WAC: variants seen among roughly 807,000 people sequenced by gnomAD.
WAC encodes the protein WW domain-containing adapter protein with coiled-coil.
A neutral mutation model predicts 79.6 loss-of-function variants in WAC; 11 were observed. The ratio of observed to expected loss-of-function variants is 0.14; its 90% confidence interval spans 0.09 to 0.23. WAC has a LOEUF of 0.23. Among genes scored for constraint, WAC ranks in the 10% least tolerant of loss-of-function variants. The pLI, the probability that WAC is intolerant of heterozygous loss-of-function variation, is 1.00. For missense variants in WAC, 728 were observed against 773.5 expected, an observed-to-expected ratio of 0.94 and a Z score of 0.70; for synonymous variants, 304 against 276.9, an observed-to-expected ratio of 1.10 and a Z score of -0.97.
intron 7 of WAC, among the ~76,000 whole-genome samples, chr10:28,605,645 A>G (rs918877479): frequency 6.6e-6 from 1 of 152,154 alleles, no homozygotes; most frequent in Non-Finnish European, 1.5e-5. Flanking sequence ...TTTTTTGTTA[A>G]TGATGATGTG....
Position 28,610,835 on chromosome 10 carries a change from T to C in WAC, c.1288+14T>C. 5 of 1,583,484 alleles carry C rather than the reference T, an allele frequency of 3.2e-6. No individual in the cohort carries two copies. The highest frequency in any genetic ancestry group is 2.4e-5 in the South Asian group (2 of 83,832). ...TCTCTACACAAGGTATTCTTACTCA[T>C]CTTAGATATCTCTAGAATGGCATCT... On this transcript the variant is annotated intron_variant, in intron 9 of 13. Transcript: ENST00000354911.
chr10:28,616,824 T>A lies in WAC; in HGVS notation c.1746+462T>A, dbSNP rs144995755. Among the ~76,000 whole-genome samples, 416 of 152,300 alleles carry A rather than the reference T, an allele frequency of 2.7e-3. 2 individuals are homozygous for A. The highest frequency in any genetic ancestry group is 9.5e-3 in the African/African-American group (394 of 41,554). On this transcript the variant is annotated intron_variant, in intron 12 of 13. Coordinates refer to ENST00000354911, the MANE Select transcript of WAC (RefSeq NM_016628.5). ...CAAGCGCAGTGGCTCATACCTGTAATCCCAACACTTTGGGAGGCCAAGGCA... is the reference window on the plus strand; with the variant it reads ...CAAGCGCAGTGGCTCATACCTGTAAACCCAACACTTTGGGAGGCCAAGGCA...
At chr10:28,581,307 G>A (rs1341798219) in intron 3 of WAC, among the ~76,000 whole-genome samples, 2 of 121,816 alleles carry the variant, frequency 1.6e-5, no homozygotes, top group East Asian at 2.5e-4. Context: ...GGCTGGTCTC[G>A]AACTCCTGGA....
chr10:28,549,564 C>G (rs1311903112), intron 3 of WAC, among the ~76,000 whole-genome samples: 1 of 152,114 alleles, frequency 6.6e-6, no homozygotes, highest in African/African-American at 2.4e-5. Flanking sequence ...TAAAATATTG[C>G]AATATCTTGT....
rs112895668 is a variant in WAC, at chr10:28,538,320, C to T, written c.274+2563C>T. On this transcript the variant is annotated intron_variant, in intron 3 of 13. Coordinates refer to ENST00000354911, the MANE Select transcript of WAC (RefSeq NM_016628.5). ...GAATTCAGGCCGGGTCAGTGGCTCA[C>T]GCCGGAATCTCAGCACTTTGGGAGG... is the stretch of plus-strand genomic sequence containing the variant. 7.3e-4 allele frequency: 243 copies of T among 333,134 alleles called. 2 individuals carry two copies. The highest frequency in any genetic ancestry group is 4.7e-3 in the South Asian group (214 of 45,976). 20.6% of individuals were successfully genotyped at this position (333,134 alleles called of 1,614,324 possible). A position where few individuals can be genotyped will look rare whatever the true frequency, so the allele number is the denominator to read the frequency against.
At chr10:28,566,352 G>A (rs557469998) in intron 3 of WAC, among the ~76,000 whole-genome samples, 1 of 152,126 alleles carries the variant, frequency 6.6e-6, no homozygotes, top group Non-Finnish European at 1.5e-5. Flanking sequence ...TATATTTTGA[G>A]TAAATATTTA....
Position 28,596,008 on chromosome 10 carries a change from T to C in WAC, c.886T>C (p.Ser296Pro), listed in dbSNP as rs145351502. ...STLSKLPTPT[S>P]SVPAQKTERK... is the part of the protein sequence containing the mutation. ...TTTATCAAAACTGCCTACACCCACATCTTCTGTCCCTGCACAGAAAACAGA... is the reference window on the plus strand; with the variant it reads ...TTTATCAAAACTGCCTACACCCACACCTTCTGTCCCTGCACAGAAAACAGA... The change falls in exon 7 of 14, where the codon TCT (serine) becomes CCT (proline). Residue 296 changes from serine to proline, a missense_variant. By Grantham distance (74) the Ser-to-Pro change is moderately conservative. This residue lies in a region of WAC where 648 missense variants were observed against 661.5 expected (regional missense o/e 0.98). Coordinates refer to ENST00000354911, the MANE Select transcript of WAC (RefSeq NM_016628.5). The C allele has an allele frequency of 1.2e-6, 2 of 1,613,980 alleles. No homozygotes were observed. The highest frequency in any genetic ancestry group is 1.7e-6 in the Non-Finnish European group (2 of 1,180,028).
At chr10:28,580,998 G>T (rs1003934383) in intron 3 of WAC, among the ~76,000 whole-genome samples, 4 of 152,104 alleles carry the variant, frequency 2.6e-5, no homozygotes, top group Non-Finnish European at 4.4e-5. Context: ...AAGAATTCTT[G>T]CCTAAGAGTC....
Position 28,611,902 on chromosome 10 carries a change from C to T in WAC, c.1417C>T (p.Pro473Ser). 4 of 1,613,726 alleles carry T rather than the reference C, an allele frequency of 2.5e-6. No individual in the cohort carries two copies. Among genetic ancestry groups the T allele is most frequent in the Non-Finnish European group, 3.4e-6 (4 of 1,179,968 alleles). The change falls in exon 10 of 14, where the codon CCT (proline) becomes TCT (serine). Residue 473 changes from proline to serine, a missense_variant. This residue lies in a region of WAC where 648 missense variants were observed against 661.5 expected (regional missense o/e 0.98). Coordinates refer to ENST00000354911, the MANE Select transcript of WAC (RefSeq NM_016628.5). ...VPIKPLISTP[P>S]VSSQPKVSTP... ...TATCAAACCTTTGATCAGTACTCCTCCTGTTTCATCACAGCCAAAGGTATG... is the reference window on the plus strand; with the variant it reads ...TATCAAACCTTTGATCAGTACTCCTTCTGTTTCATCACAGCCAAAGGTATG...
chr10:28,571,830 A>G (rs115858170), intron 3 of WAC, among the ~76,000 whole-genome samples: 2,917 of 152,178 alleles, frequency 0.019, 103 homozygotes, highest in African/African-American at 0.067. Flanking sequence ...TGTAACTCTA[A>G]TCAGTCAGCT....
At chr10:28,587,190 A>G (rs890332108) in intron 4 of WAC, among the ~76,000 whole-genome samples, 1 of 152,276 alleles carries the variant, frequency 6.6e-6, no homozygotes, top group African/African-American at 2.4e-5. Flanking sequence ...CATTTAAAAT[A>G]TCAATTGTAA....
chr10:28,609,482 A>G (rs951004520), intron 8 of WAC, among the ~76,000 whole-genome samples: 2 of 147,820 alleles, frequency 1.4e-5, no homozygotes, highest in African/African-American at 4.9e-5. Flanking sequence ...CTAGTTGGTC[A>G]TTAGTCTGTT....
At chr10:28,540,719 C>T (rs932470661) in intron 3 of WAC, among the ~76,000 whole-genome samples, 5 of 152,116 alleles carry the variant, frequency 3.3e-5, no homozygotes, top group Admixed American at 1.3e-4. Context: ...TGACACATGA[C>T]CTTTTTTCAT....
chr10:28,540,670 T>A (rs760895519), intron 3 of WAC, among the ~76,000 whole-genome samples: 13 of 152,202 alleles, frequency 8.5e-5, no homozygotes, highest in African/African-American at 1.2e-4. Flanking sequence ...TAATAATACG[T>A]TTGACTGATG....
At chr10:28,608,046 A>T (rs531553948) in intron 7 of WAC, 140 bp from the exon 8 acceptor site, 3 of 858,210 alleles carry the variant, frequency 3.5e-6, no homozygotes, top group Non-Finnish European at 5.5e-6. Flanking sequence ...TTTACTGAGC[A>T]TCTTCTGTGT....
chr10:28,548,807 T>C (rs1837505321), intron 3 of WAC, among the ~76,000 whole-genome samples: 1 of 152,166 alleles, frequency 6.6e-6, no homozygotes, highest in African/African-American at 2.4e-5. Flanking sequence ...AGCTGTCCAG[T>C]GTGGTAGCCA....
At chr10:28,551,819 T>TGTGTGTGTGTGTGTGTGTGTG (rs1397401638) in intron 3 of WAC, among the ~76,000 whole-genome samples, 1 of 144,702 alleles carries the variant, frequency 6.9e-6, no homozygotes, top group Non-Finnish European at 1.5e-5. Flanking sequence ...TGTGTGTGTG[T>TGTGTGTGTGTGTGTGTGTGTG]TTCTTTTTTT....
chr10:28,593,491 G>C (rs550298029), intron 6 of WAC, among the ~76,000 whole-genome samples: 1 of 152,108 alleles, frequency 6.6e-6, no homozygotes, highest in Non-Finnish European at 1.5e-5. Context: ...ACAAAGGCCA[G>C]GCACGGTGGC....
intron 7 of WAC, among the ~76,000 whole-genome samples, chr10:28,600,466 A>T (rs139311071): frequency 0.011 from 1,604 of 152,278 alleles, 10 homozygotes; most frequent in Middle Eastern, 0.017. Context: ...GCTTTGCTTT[A>T]AAATAATTTT....
Sources: allele counts gnomAD v4.1 joint callset (sites outside exome capture counted in the v4.1 genomes callset), GRCh38; gene constraint gnomAD v4.1.1; regional missense constraint gnomAD v4.1.1; transcripts MANE v1.5; gene names NCBI Gene and HGNC (gene_info 2026-07-23, HGNC 2026-07-21).